PPHLN1: variants seen among roughly 807,000 people sequenced by gnomAD.
PPHLN1 encodes the protein periphilin 1, also known as periphilin-1.
Under a neutral mutation model 51.3 loss-of-function variants are expected in PPHLN1, and 29 were observed. The observed-to-expected ratio is 0.57, with a 90% CI of 0.42 to 0.77. The LOEUF is 0.77. Among genes scored for constraint, PPHLN1 ranks in the 30% least tolerant of loss-of-function variants. The probability of loss-of-function intolerance (pLI) is 0.00; values close to 1 mark genes in which losing one functional copy is unlikely to be tolerated. For missense variants in PPHLN1, 436 were observed against 438.4 expected, an observed-to-expected ratio of 0.99 and a Z score of 0.05; for synonymous variants, 147 against 147.8, an observed-to-expected ratio of 0.99 and a Z score of 0.04.
At chr12:42,355,342 A>C (rs1451173917) in intron 4 of PPHLN1, 120 bp downstream of exon 4, 2 of 812,784 alleles carry the variant, frequency 2.5e-6, no homozygotes, top group Non-Finnish European at 4.0e-6. Flanking sequence ...TAAATTTTGA[A>C]AGCAACAAGC....
chr12:42,379,153 T>C (rs2076555367), intron 5 of PPHLN1, among the ~76,000 whole-genome samples: 1 of 152,002 alleles, frequency 6.6e-6, no homozygotes, highest in African/African-American at 2.4e-5. Context: ...TTTCCTATCT[T>C]ACCCTTTGTC....
At chr12:42,379,118 T>A (rs2076550086) in intron 5 of PPHLN1, among the ~76,000 whole-genome samples, 1 of 152,028 alleles carries the variant, frequency 6.6e-6, no homozygotes, top group Non-Finnish European at 1.5e-5. Context: ...TTTTCTTTTT[T>A]TCCCTCTTTG....
intron 9 of PPHLN1, among the ~76,000 whole-genome samples, chr12:42,429,437 T>C (rs1263461353): frequency 2.0e-5 from 3 of 152,216 alleles, no homozygotes; most frequent in Admixed American, 1.3e-4. Context: ...AACTTCCCTA[T>C]ATTCCAAGAT....
intron 1 of PPHLN1, among the ~76,000 whole-genome samples, chr12:42,329,326 C>T (rs560135744): frequency 6.6e-6 from 1 of 151,920 alleles, no homozygotes; most frequent in Non-Finnish European, 1.5e-5. Flanking sequence ...AGTATGGTCT[C>T]GATCTCCTGA....
intron 4 of PPHLN1, among the ~76,000 whole-genome samples, chr12:42,366,466 G>T (rs892930151): frequency 6.6e-6 from 1 of 152,038 alleles, no homozygotes; most frequent in Non-Finnish European, 1.5e-5. Flanking sequence ...GAACTCAGGT[G>T]ATCTGCCCTC....
intron 2 of PPHLN1, chr12:42,343,803 G>A (rs956459548): frequency 5.2e-6 from 2 of 386,986 alleles, no homozygotes; most frequent in Admixed American, 3.6e-5. Flanking sequence ...CGAATAAGAT[G>A]CCTTAGCTCT....
chr12:42,446,791 A>G, downstream of PPHLN1: 1 of 667,970 alleles, frequency 1.5e-6, no homozygotes, highest in South Asian at 3.4e-5. Context: ...AGGAGAGAAT[A>G]AAGCTGAAGG....
downstream of PPHLN1, chr12:42,443,868 G>T (rs1374527184): frequency 6.6e-6 from 1 of 152,156 alleles, no homozygotes; most frequent in East Asian, 1.9e-4. Context: ...ACAGGACAGA[G>T]AAAAATTTGC....
At chr12:42,336,319 A>T (rs1451864777) in intron 2 of PPHLN1, among the ~76,000 whole-genome samples, 2 of 152,112 alleles carry the variant, frequency 1.3e-5, no homozygotes, top group Non-Finnish European at 2.9e-5. Flanking sequence ...GCTGTTACCT[A>T]TTTTTTTCTA....
At chr12:42,355,677 GGAGGTGGAGGTTGCA>G (rs1340939444) in intron 4 of PPHLN1, 2 of 153,788 alleles carry the variant, frequency 1.3e-5, no homozygotes, top group African/African-American at 4.8e-5. Flanking sequence ...CTTGAACCTG[GGAGGTGGAGGTTGCA>G]GTGAGCTGAG....
chr12:42,419,789 A>C (rs550469896), intron 9 of PPHLN1, among the ~76,000 whole-genome samples: 10 of 152,356 alleles, frequency 6.6e-5, no homozygotes, highest in African/African-American at 2.4e-4. Context: ...TCCCAAGATT[A>C]TAACAAGTTG....
At chr12:42,393,279 ATTAT>A (rs1393230366) in intron 7 of PPHLN1, among the ~76,000 whole-genome samples, 1 of 152,140 alleles carries the variant, frequency 6.6e-6, no homozygotes, top group African/African-American at 2.4e-5. Flanking sequence ...TCTAAATATA[ATTAT>A]TATATGAGTT....
intron 9 of PPHLN1, among the ~76,000 whole-genome samples, chr12:42,428,182 A>G (rs2081667557): frequency 6.6e-6 from 1 of 152,242 alleles, no homozygotes; most frequent in Admixed American, 6.5e-5. Context: ...TAGTACAGCC[A>G]TTATGGAAAA....
At chr12:42,344,194 A>T (rs1449063639) in intron 2 of PPHLN1, among the ~76,000 whole-genome samples, 2 of 152,156 alleles carry the variant, frequency 1.3e-5, no homozygotes, top group African/African-American at 4.8e-5. Flanking sequence ...AGACCAATAA[A>T]GGTTTTGTAG....
At chr12:42,377,240 C>T (rs972722693) in intron 5 of PPHLN1, among the ~76,000 whole-genome samples, 2 of 151,646 alleles carry the variant, frequency 1.3e-5, no homozygotes, top group African/African-American at 4.8e-5. Context: ...TGAATGCTCA[C>T]ATGCACAGAC....
At chr12:42,388,144 CTG>C (rs574168769) in intron 7 of PPHLN1, among the ~76,000 whole-genome samples, 92 of 152,266 alleles carry the variant, frequency 6.0e-4, no homozygotes, top group African/African-American at 2.2e-3. Flanking sequence ...CGTAAAGGGT[CTG>C]TGCTGAGGTG....
At chr12:42,390,003 A>T (rs2077547643) in intron 7 of PPHLN1, among the ~76,000 whole-genome samples, 1 of 152,204 alleles carries the variant, frequency 6.6e-6, no homozygotes, top group African/African-American at 2.4e-5. Flanking sequence ...TGCTGTTTCC[A>T]TCTGTTCTCT....
At chr12:42,348,842 CTTAAA>C (rs1032704434) in intron 2 of PPHLN1, among the ~76,000 whole-genome samples, 11 of 144,646 alleles carry the variant, frequency 7.6e-5, no homozygotes, top group African/African-American at 1.3e-4. Flanking sequence ...CAGCTTAGTA[CTTAAA>C]TTTAATTGAA....
intron 9 of PPHLN1, among the ~76,000 whole-genome samples, chr12:42,413,750 C>T (rs1359031488): frequency 1.3e-5 from 2 of 151,840 alleles, no homozygotes; most frequent in African/African-American, 2.4e-5. Context: ...TTAATAGAGA[C>T]GAGGTTTCAG....
Sources: gnomAD v4.1 joint callset for allele counts (sites outside exome capture counted in the v4.1 genomes callset) on GRCh38, gnomAD v4.1.1 for gene constraint, MANE v1.5 for transcripts, NCBI Gene and HGNC (gene_info 2026-07-23, HGNC 2026-07-21) for gene names.